SERPINA6: variants seen among roughly 807,000 people sequenced by gnomAD.
The protein encoded by SERPINA6 is serpin family A member 6.
SERPINA6 carries 19 observed loss-of-function variants against 26.4 expected under a neutral mutation model. That is an observed-to-expected ratio of 0.72 (90% CI 0.50 to 1.06). The LOEUF (loss-of-function observed/expected upper bound fraction) is 1.06, where lower values mean the gene tolerates loss of function less well. Among genes scored for constraint, SERPINA6 ranks in the 50% least tolerant of loss-of-function variants. The pLI is 0.00. For synonymous variants in SERPINA6, 196 were observed against 199.4 expected (o/e 0.98, Z 0.14); for missense variants, 473 against 504.0 (o/e 0.94, Z 0.59).
Position 94,322,627 on chromosome 14 carries a change from G to A in SERPINA6, c.-20+640C>T, listed in dbSNP as rs192978977. Among the ~76,000 whole-genome samples the A allele has an allele frequency of 4.6e-5, 7 of 152,346 alleles. No homozygotes were observed. The East Asian group carries it at 9.6e-4, about 21-fold the overall frequency. On this transcript the variant is annotated intron_variant, in intron 1 of 4. Coordinates refer to ENST00000341584, the MANE Select transcript of SERPINA6 (RefSeq NM_001756.4). Reference sequence around the variant, plus strand: ...CCTCTTTGTTCCTCATCTCTGAAGAGACTCACTTAGTAAATATTCACTGTG... The same window carrying A: ...CCTCTTTGTTCCTCATCTCTGAAGAAACTCACTTAGTAAATATTCACTGTG...
intron 1 of SERPINA6, among the ~76,000 whole-genome samples, chr14:94,318,333 A>G: frequency 6.6e-6 from 1 of 152,254 alleles, no homozygotes; most frequent in East Asian, 1.9e-4. Flanking sequence ...CCTAAAATTT[A>G]TATAAAAATC....
At position 94,306,188 on chromosome 14, in the gene SERPINA6, G is replaced by A. The variant is rs761359516; in HGVS notation, c.915C>T (p.Thr305=). 5 of 1,614,174 alleles carry A rather than the reference G, an allele frequency of 3.1e-6. No individual in the cohort carries two copies. In the Admixed American group the frequency reaches 8.3e-5, roughly 27 times the overall value. Residue 305 remains threonine, a synonymous_variant, in exon 4 of 5, where the codon ACC becomes ACT. Transcript: ENST00000341584. ...SQVDLYIPKV[T]ISGVYDLGDV... ...CTCCGAGGTCATAGACTCCAGAGAT[G>A]GTGACCTTTGGAATGTACAGGTCCA...
chr14:94,307,818 A>C lies in SERPINA6; in HGVS notation c.885-1600T>G, dbSNP rs10131247. On this transcript the variant is annotated intron_variant, in intron 3 of 4. Transcript: ENST00000341584. ...AGGGCTGACTACATGACTTCCCTACAGGAGAGAAGTCAAATTCCCAGACAC... is the reference window on the plus strand; with the variant it reads ...AGGGCTGACTACATGACTTCCCTACCGGAGAGAAGTCAAATTCCCAGACAC... Among the ~76,000 whole-genome samples, 1,222 of 152,356 alleles carry C rather than the reference A, an allele frequency of 8.0e-3. 18 individuals are homozygous for C. Among genetic ancestry groups the C allele is most frequent in the African/African-American group, 0.028 (1,167 of 41,586 alleles).
rs1180073999 is a variant in SERPINA6, at chr14:94,314,021, G to A, written c.613+15C>T. 1 of 1,614,098 alleles carries A rather than the reference G, an allele frequency of 6.2e-7. No individual in the cohort carries two copies. On this transcript the variant is annotated intron_variant, in intron 2 of 4. Transcript: ENST00000341584. ...CATAGTGGATGGGCCTTCAGATGGG[G>A]ATGGGTGGGAATACCTTTGAAGAAG...
At chr14:94,320,778 G>A (rs6575413) in intron 1 of SERPINA6, among the ~76,000 whole-genome samples, 1,707 of 152,150 alleles carry the variant, frequency 0.011, 39 homozygotes, top group African/African-American at 0.038. Context: ...CCCTCCTTGC[G>A]TGTCTCCCTT....
intron 3 of SERPINA6, among the ~76,000 whole-genome samples, chr14:94,306,612 TG>T (rs1895445221): frequency 6.6e-6 from 1 of 152,188 alleles, no homozygotes; most frequent in East Asian, 1.9e-4. Flanking sequence ...CAGTGGTCCC[TG>T]GCTCCAGCTG....
chr14:94,309,511 T>C (rs898859087), intron 3 of SERPINA6, among the ~76,000 whole-genome samples: 85 of 152,242 alleles, frequency 5.6e-4, no homozygotes, highest in African/African-American at 2.0e-3. Context: ...CCTCACTCTG[T>C]GAAATGCCCC....
intron 4 of SERPINA6, among the ~76,000 whole-genome samples, chr14:94,305,848 C>G (rs1231505704): frequency 6.6e-6 from 1 of 152,138 alleles, no homozygotes; most frequent in African/African-American, 2.4e-5. Context: ...TGGCCTGTGG[C>G]CCTCCTGTGT....
intron 1 of SERPINA6, 99 bp downstream of exon 1, chr14:94,323,168 A>C (rs1895707771): frequency 6.6e-6 from 1 of 152,312 alleles, no homozygotes. Flanking sequence ...CTTTAAAAAA[A>C]CAAAGCATCT....
chr14:94,322,261 C>T (rs1418572680), intron 1 of SERPINA6, among the ~76,000 whole-genome samples: 2 of 152,316 alleles, frequency 1.3e-5, no homozygotes, highest in African/African-American at 4.8e-5. Context: ...GTAATCCCAG[C>T]ACTTTTGGAA....
At position 94,304,472 on chromosome 14, in the gene SERPINA6, G is replaced by A. The variant is rs1370670037; in HGVS notation, c.1164C>T (p.Phe388=). The change falls in exon 5 of 5, where the codon TTC becomes TTT. Residue 388 remains phenylalanine, a synonymous_variant. Coordinates refer to ENST00000341584, the MANE Select transcript of SERPINA6 (RefSeq NM_001756.4). The part of the protein sequence containing the change: ...RFNQPFIIMI[F]DHFTWSSLFL... ...AAAGGCTGCTCCAGGTGAAGTGGTC[G>A]AAGATCATGATGATGAAGGGCTGGT... The A allele has an allele frequency of 5.0e-6, 8 of 1,614,162 alleles. No homozygotes were observed. Among genetic ancestry groups the A allele is most frequent in the South Asian group, 2.2e-5 (2 of 91,076 alleles).
At chr14:94,309,406 G>A (rs1235094266) in intron 3 of SERPINA6, among the ~76,000 whole-genome samples, 2 of 152,224 alleles carry the variant, frequency 1.3e-5, no homozygotes, top group Admixed American at 1.3e-4. Flanking sequence ...AAACAGATAA[G>A]TGTGTAGCTG....
intron 1 of SERPINA6, among the ~76,000 whole-genome samples, chr14:94,318,713 A>G (rs1286040760): frequency 1.3e-5 from 2 of 152,204 alleles, no homozygotes; most frequent in East Asian, 3.8e-4. Context: ...AATCTTAGAA[A>G]AAAACATGGG....
chr14:94,315,028 C>T (rs1330954946), intron 1 of SERPINA6, among the ~76,000 whole-genome samples: 1 of 152,152 alleles, frequency 6.6e-6, no homozygotes, highest in South Asian at 2.1e-4. Flanking sequence ...AGGATATGTT[C>T]AAAATGCTGG....
chr14:94,322,300 G>A (rs1199805830), intron 1 of SERPINA6, among the ~76,000 whole-genome samples: 1 of 152,214 alleles, frequency 6.6e-6, no homozygotes, highest in African/African-American at 2.4e-5. Context: ...TCTGAGGTCA[G>A]GAGTTCGAGA....
intron 3 of SERPINA6, among the ~76,000 whole-genome samples, chr14:94,306,575 G>A (rs1895444609): frequency 6.6e-6 from 1 of 152,232 alleles, no homozygotes; most frequent in Non-Finnish European, 1.5e-5. Flanking sequence ...TAGAAGCAGA[G>A]GACTGGAGGG....
rs192364766 is a variant in SERPINA6 at position 94,316,162 on chromosome 14, G to A, written c.-19-1495C>T. 2.4e-3 allele frequency among the ~76,000 whole-genome samples: 363 copies of A among 152,110 alleles called. 1 individual carries two copies. Among genetic ancestry groups the A allele is most frequent in the Non-Finnish European group, 1.2e-3 (83 of 67,988 alleles). ...GAGTGTGTTGTTTTTTCCACAATTT[G>A]TAAAATTTCCAGTTTTCCTTCTGTT... On this transcript the variant is annotated intron_variant, in intron 1 of 4. Transcript: ENST00000341584.
chr14:94,321,924 G>GTC (rs1271304491), intron 1 of SERPINA6, among the ~76,000 whole-genome samples: 2 of 152,230 alleles, frequency 1.3e-5, no homozygotes, highest in African/African-American at 4.8e-5. Context: ...GAGATTGCAT[G>GTC]TCTCACCTTC....
At chr14:94,309,708 A>G (rs1895497463) in intron 3 of SERPINA6, 28 bp downstream of exon 3, 5 of 1,613,074 alleles carry the variant, frequency 3.1e-6, no homozygotes, top group Non-Finnish European at 4.2e-6. Flanking sequence ...TGCATTGCAG[A>G]AATCAACATG....
Sources: allele counts gnomAD v4.1 joint callset (sites outside exome capture counted in the v4.1 genomes callset), GRCh38; gene constraint gnomAD v4.1.1; transcripts MANE v1.5; gene names NCBI Gene and HGNC (gene_info 2026-07-23, HGNC 2026-07-21).